The following NAV2 variants were observed in gnomAD, a reference collection of about 807,000 sequenced individuals.
NAV2 encodes helicase, APC down-regulated 1.
A neutral mutation model predicts 223.2 loss-of-function variants in NAV2; 54 were observed. The observed-to-expected ratio is 0.24, with a 90% CI of 0.19 to 0.30. The LOEUF (loss-of-function observed/expected upper bound fraction) is 0.30, where lower values mean the gene tolerates loss of function less well. Ranked by LOEUF, NAV2 falls within the 10% of genes least tolerant of loss-of-function variation. The pLI, the probability that NAV2 is intolerant of heterozygous loss-of-function variation, is 1.00. For missense variants in NAV2, 2,806 were observed against 3,147.5 expected (o/e 0.89, Z 2.60); for synonymous variants, 1,279 against 1,239.3 (o/e 1.03, Z -0.67).
intron 6 of NAV2, among the ~76,000 whole-genome samples, chr11:19,921,122 G>A (rs1332546588): frequency 1.3e-5 from 2 of 152,194 alleles, no homozygotes; most frequent in African/African-American, 4.8e-5. Flanking sequence ...CAGAAATCTA[G>A]TAGGGCTGTG....
At chr11:19,913,496 G>C (rs2043496891) in intron 6 of NAV2, among the ~76,000 whole-genome samples, 1 of 152,196 alleles carries the variant, frequency 6.6e-6, no homozygotes, top group Non-Finnish European at 1.5e-5. Flanking sequence ...CCCTGGCAGA[G>C]CTCCTCTTCA....
At chr11:20,018,867 G>A (rs539413247) in intron 11 of NAV2, among the ~76,000 whole-genome samples, 2 of 152,246 alleles carry the variant, frequency 1.3e-5, no homozygotes, top group Middle Eastern at 3.4e-3. Context: ...CATCTGACCC[G>A]TGAGAAGTGG....
chr11:19,928,361 TATTC>T (rs2044984477), intron 6 of NAV2, among the ~76,000 whole-genome samples: 1 of 152,236 alleles, frequency 6.6e-6, no homozygotes, highest in African/African-American at 2.4e-5. Flanking sequence ...AATATAAAAA[TATTC>T]ATGTGCCATC....
rs1015252625 is a variant in NAV2 at position 20,022,513 on chromosome 11, G to A, written c.2769-13446G>A. 4.1e-6 allele frequency: 4 copies of A among 982,536 alleles called. No individual in the cohort carries two copies. The African/African-American group carries it at 7.0e-5, about 17-fold the overall frequency. 60.9% of individuals were successfully genotyped at this position (982,536 alleles called of 1,614,324 possible). A position where few individuals can be genotyped will look rare whatever the true frequency, so the allele number is the denominator to read the frequency against. ...TGTGTCGTTGTTAACTGTACAAACAGGTATCATTTCCTTTTTAGGTTCAGA... is the reference window on the plus strand; with the variant it reads ...TGTGTCGTTGTTAACTGTACAAACAAGTATCATTTCCTTTTTAGGTTCAGA... On this transcript the variant is annotated intron_variant, in intron 11 of 37. Coordinates refer to ENST00000349880, the MANE Select transcript of NAV2 (RefSeq NM_145117.5).
chr11:19,647,035 G>T (rs552439752), intron 1 of NAV2, among the ~76,000 whole-genome samples: 168 of 152,294 alleles, frequency 1.1e-3, no homozygotes, highest in African/African-American at 3.9e-3. Flanking sequence ...GCCACAAGCA[G>T]AGGTGGAGTA....
At position 20,093,228 on chromosome 11, in the gene NAV2, C is replaced by T. The variant is rs2153686863; in HGVS notation, c.5916+29C>T. On this transcript the variant is annotated intron_variant, in intron 29 of 37. Coordinates refer to ENST00000349880, the MANE Select transcript of NAV2 (RefSeq NM_145117.5). ...AGTTGGATCCCTTTCCCTGCTTTGC[C>T]TGTCCCTCCCCCAGGTAGAACTACC... The T allele has an allele frequency of 3.4e-6, 5 of 1,458,656 alleles. No individual in the cohort carries two copies. In the East Asian group the frequency reaches 9.1e-5, roughly 26 times the overall value. The allele number at this position is 1,458,656 out of a possible 1,614,324, so 90.4% of individuals were successfully genotyped here.
intron 8 of NAV2, among the ~76,000 whole-genome samples, chr11:19,944,685 TTTTC>T (rs777334739): frequency 7.4e-5 from 11 of 149,456 alleles, no homozygotes; most frequent in East Asian, 3.9e-4. Context: ...TTCTCTTCTC[TTTTC>T]TTTCTTTCTT....
At chr11:19,936,972 T>C (rs1225546770) in intron 7 of NAV2, among the ~76,000 whole-genome samples, 3 of 152,118 alleles carry the variant, frequency 2.0e-5, no homozygotes, top group African/African-American at 7.2e-5. Context: ...ACCCTATCTC[T>C]ACTAAAAATA....
chr11:19,778,754 A>G (rs73433669), intron 1 of NAV2, among the ~76,000 whole-genome samples: 10,156 of 152,188 alleles, frequency 0.067, 1,128 homozygotes, highest in African/African-American at 0.23. Flanking sequence ...CACCTTTGCT[A>G]TACTATGTCA....
At chr11:20,055,706 C>A in intron 18 of NAV2, 63 bp from the exon 19 acceptor site, 1 of 1,463,310 alleles carries the variant, frequency 6.8e-7, no homozygotes, top group Non-Finnish European at 9.4e-7. Context: ...CTCTTTGTCC[C>A]CAACCAGGAT....
chr11:19,672,030 T>A (rs1590067576), intron 1 of NAV2, among the ~76,000 whole-genome samples: 1 of 152,298 alleles, frequency 6.6e-6, no homozygotes, highest in East Asian at 1.9e-4. Context: ...GAATGTAGAC[T>A]TCTTGGGGAA....
chr11:19,857,394 A>T (rs1445230784), intron 3 of NAV2, among the ~76,000 whole-genome samples: 1 of 152,174 alleles, frequency 6.6e-6, no homozygotes, highest in African/African-American at 2.4e-5. Context: ...TTGTGACTGT[A>T]TGTTTAGTGG....
At chr11:20,062,802 C>A (rs761373507) in intron 20 of NAV2, among the ~76,000 whole-genome samples, 1 of 152,194 alleles carries the variant, frequency 6.6e-6, no homozygotes, top group Non-Finnish European at 1.5e-5. Flanking sequence ...TCAGGTGATT[C>A]TCCTGCCTCA....
intron 1 of NAV2, among the ~76,000 whole-genome samples, chr11:19,467,940 A>T (rs1459466091): frequency 6.6e-6 from 1 of 152,232 alleles, no homozygotes; most frequent in Non-Finnish European, 1.5e-5. Context: ...GGCTCAGAGA[A>T]GGGAGAGGCC....
intron 1 of NAV2, among the ~76,000 whole-genome samples, chr11:19,606,410 A>C (rs917715609): frequency 1.3e-5 from 2 of 152,202 alleles, no homozygotes; most frequent in African/African-American, 4.8e-5. Flanking sequence ...CCAGGTGTTA[A>C]AGCTGATGAG....
chr11:19,674,866 C>A (rs1390288037), intron 1 of NAV2, among the ~76,000 whole-genome samples: 2 of 152,210 alleles, frequency 1.3e-5, no homozygotes, highest in Non-Finnish European at 2.9e-5. Flanking sequence ...GGGTTCAAAT[C>A]TAACACAGAA....
At chr11:19,919,352 A>G (rs901394815) in intron 6 of NAV2, among the ~76,000 whole-genome samples, 2 of 151,712 alleles carry the variant, frequency 1.3e-5, no homozygotes, top group African/African-American at 4.8e-5. Flanking sequence ...GTTCATATGA[A>G]GAGCTCTTTG....
chr11:19,705,973 C>T (rs554438712), intron 1 of NAV2, among the ~76,000 whole-genome samples: 1 of 152,136 alleles, frequency 6.6e-6, no homozygotes, highest in Non-Finnish European at 1.5e-5. Context: ...TATCCAAATG[C>T]TCACTAATGT....
intron 26 of NAV2, among the ~76,000 whole-genome samples, 174 bp from the exon 27 acceptor site, chr11:20,090,691 C>G (rs2060780877): frequency 6.6e-6 from 1 of 152,078 alleles, no homozygotes; most frequent in South Asian, 2.1e-4. Flanking sequence ...AAAAAGAATA[C>G]AGAGAAGGAA....
Sources: gnomAD v4.1 joint callset for allele counts (sites outside exome capture counted in the v4.1 genomes callset) on GRCh38, gnomAD v4.1.1 for gene constraint, MANE v1.5 for transcripts, NCBI Gene and HGNC (gene_info 2026-07-23, HGNC 2026-07-21) for gene names.